The following FBXO43 variants were observed in gnomAD, a reference collection of about 807,000 sequenced individuals.
The protein encoded by FBXO43 is F-box protein 43.
Under a neutral mutation model 56.7 loss-of-function variants are expected in FBXO43, and 22 were observed. The ratio of observed to expected loss-of-function variants is 0.39; its 90% CI spans 0.28 to 0.55. The LOEUF (loss-of-function observed/expected upper bound fraction) is 0.55. FBXO43 is among the 20% of genes least tolerant of loss of function. The pLI is 0.66. For missense variants in FBXO43, 733 were observed against 814.9 expected, an observed-to-expected ratio of 0.90 and a Z score of 1.22; for synonymous variants, 306 against 294.5, an observed-to-expected ratio of 1.04 and a Z score of -0.40.
chr8:100,137,767 G>A (rs887107652), intron 2 of FBXO43, 100 bp from the exon 3 acceptor site: 21 of 808,120 alleles, frequency 2.6e-5, no homozygotes, highest in South Asian at 7.0e-5. Context: ...TAAAGATTTC[G>A]GGCAGTAAAT....
At chr8:100,134,437 G>T in intron 3 of FBXO43, 73 bp from the exon 4 acceptor site, 2 of 1,273,808 alleles carry the variant, frequency 1.6e-6, no homozygotes, top group Non-Finnish European at 2.3e-6. Flanking sequence ...GATGCACACG[G>T]ATTTATATGC....
At chr8:100,142,877 C>A (rs1814702056) in intron 1 of FBXO43, among the ~76,000 whole-genome samples, 1 of 152,228 alleles carries the variant, frequency 6.6e-6, no homozygotes, top group Non-Finnish European at 1.5e-5. Context: ...TTATTCATAT[C>A]TCACTTTCTA....
intron 1 of FBXO43, 92 bp downstream of exon 1, chr8:100,144,959 A>T: frequency 7.3e-7 from 1 of 1,375,492 alleles, no homozygotes; most frequent in Non-Finnish European, 9.6e-7. Context: ...AAAAAGAAAA[A>T]GAAAAAAAAG....
chr8:100,133,510 A>G lies in FBXO43; in HGVS notation c.*292T>C. ...TGAAGAACATGTCAAGAGTGATGAAATGCACAAATTTAAAATGTTACATAA... is the reference window on the plus strand; with the variant it reads ...TGAAGAACATGTCAAGAGTGATGAAGTGCACAAATTTAAAATGTTACATAA... On this transcript the variant is annotated 3_prime_UTR_variant, in exon 5 of 5. Coordinates refer to ENST00000428847, the MANE Select transcript of FBXO43 (RefSeq NM_001029860.4). The G allele has an allele frequency of 4.4e-6, 1 of 226,358 alleles. No homozygotes were observed. The highest frequency in any genetic ancestry group is 8.6e-6 in the Non-Finnish European group (1 of 116,598). 14.0% of individuals were successfully genotyped at this position (226,358 alleles called of 1,614,324 possible). A position where few individuals can be genotyped will look rare whatever the true frequency, so the allele number is the denominator to read the frequency against.
In FBXO43 at chr8:100,141,471, A is replaced by G; in HGVS notation, c.783T>C (p.Ser261=). 6.2e-7 allele frequency: 1 copy of G among 1,613,332 alleles called. No homozygotes were observed. Among genetic ancestry groups the G allele is most frequent in the South Asian group, 1.1e-5 (1 of 91,054 alleles). ...SPIQGNNFKD[S]ITHDFSDSSL... ...TGCTATCACTAAAGTCATGTGTGAT[A>G]GAGTCTTTAAAATTATTGCCCTGAA... The change falls in exon 2 of 5, where the codon TCT becomes TCC. Residue 261 remains serine (S), a synonymous_variant. Coordinates refer to ENST00000428847, the MANE Select transcript of FBXO43 (RefSeq NM_001029860.4).
chr8:100,134,578 A>C (rs1159232726), intron 3 of FBXO43, among the ~76,000 whole-genome samples: 2 of 152,074 alleles, frequency 1.3e-5, no homozygotes, highest in Non-Finnish European at 2.9e-5. Flanking sequence ...AAAAGAAAAA[A>C]ATTTAAATTA....
Position 100,137,610 on chromosome 8 carries a change from A to T in FBXO43, c.1629T>A (p.Asn543Lys). 10 of 1,612,948 alleles carry T rather than the reference A, an allele frequency of 6.2e-6. No homozygotes were observed. Among genetic ancestry groups the T allele is most frequent in the Non-Finnish European group, 8.5e-6 (10 of 1,179,638 alleles). Residue 543 changes from asparagine to lysine, a missense_variant, in exon 3 of 5, where the codon AAT becomes AAA. Physicochemically the swap from Asn to Lys is moderately conservative, Grantham distance 94. Transcript: ENST00000428847. The part of the protein sequence containing the change: ...REIVVQDKNA[N>K]RRRKFYITQL... ...GTGTGATATAAAATTTCCTCCTCCG[A>T]TTTGCATTTTTATCTTGAACAACAA...
At chr8:100,134,958 AGAG>A (rs1814425617) in intron 3 of FBXO43, among the ~76,000 whole-genome samples, 1 of 152,232 alleles carries the variant, frequency 6.6e-6, no homozygotes, top group Middle Eastern at 3.2e-3. Flanking sequence ...GGACTTACAC[AGAG>A]GAGACTTTCA....
Position 100,133,851 on chromosome 8 carries a change from T to G in FBXO43, c.2078A>C (p.Asp693Ala), listed in dbSNP as rs1392616082. The G allele has an allele frequency of 6.2e-7, 1 of 1,614,114 alleles. No homozygotes were observed. The highest frequency in any genetic ancestry group is 1.1e-5 in the South Asian group (1 of 91,076). The stretch of plus-strand genomic sequence containing the variant: ...ACTCTGGGCACTTCCTGGGAGAGCA[T>G]CTTTTCTATTTCTTGGCTTTGCTGC... ...RGAAKPRNRK[D>A]ALPGSAQSKR... Residue 693 changes from aspartate to alanine, a missense_variant, in exon 5 of 5, where the codon GAT (aspartate) becomes GCT (alanine). Coordinates refer to ENST00000428847, the MANE Select transcript of FBXO43 (RefSeq NM_001029860.4).
upstream of FBXO43, among the ~76,000 whole-genome samples, chr8:100,146,084 C>G (rs1814826409): frequency 6.6e-6 from 1 of 152,256 alleles, no homozygotes; most frequent in South Asian, 2.1e-4. Flanking sequence ...CATTAGAAAT[C>G]ATGTATGAGA....
At chr8:100,145,001 A>C (rs750680749) in intron 1 of FBXO43, 50 bp downstream of exon 1, 1 of 1,562,446 alleles carries the variant, frequency 6.4e-7, no homozygotes, top group Non-Finnish European at 8.7e-7. Context: ...AGAATGAAGT[A>C]CTTACATTAA....
chr8:100,135,753 C>A lies in FBXO43; in HGVS notation c.1675-1389G>T, dbSNP rs536125478. 3.3e-5 allele frequency among the ~76,000 whole-genome samples: 5 copies of A among 152,092 alleles called. No homozygotes were observed. The South Asian group carries it at 8.3e-4, about 25-fold the overall frequency. On this transcript the variant is annotated intron_variant, in intron 3 of 4. Transcript: ENST00000428847. ...CCAAATAGCTGGGATTACAAGCCTG[C>A]ACCACCACACCCAGCTACTTTTTGT... is the stretch of plus-strand genomic sequence containing the variant.
In FBXO43 at chr8:100,133,556, TAAC is replaced by T; in HGVS notation, c.*243_*245del. The T allele has an allele frequency of 2.7e-6, 1 of 374,962 alleles. No homozygotes were observed. Among genetic ancestry groups the T allele is most frequent in the Non-Finnish European group, 4.7e-6 (1 of 210,620 alleles). The allele number at this position is 374,962 out of a possible 1,614,324, so 23.2% of individuals were successfully genotyped here. Reference sequence around the variant, plus strand: ...CATAAAACAATAAAGTACATACATATAACAACAATGAAAATTCTTTATTTAAAA... The same window carrying T: ...CATAAAACAATAAAGTACATACATATAACAATGAAAATTCTTTATTTAAAA... On this transcript the variant is annotated 3_prime_UTR_variant, in exon 5 of 5. Coordinates refer to ENST00000428847, the MANE Select transcript of FBXO43 (RefSeq NM_001029860.4).
Position 100,133,979 on chromosome 8 carries a change from C to T in FBXO43, c.1950G>A (p.Gln650=), listed in dbSNP as rs201740986. The change falls in exon 5 of 5, where the codon CAG becomes CAA. Residue 650 remains glutamine, a synonymous_variant. Transcript: ENST00000428847. ...CPRCQSPAKY[Q]PYKKRGLCSR... is the part of the protein sequence containing the mutation. ...TACACAGTCCCCTTTTCTTATATGG[C>T]TGGTACTTAGCAGGGGACTGGCACC... is the stretch of plus-strand genomic sequence containing the variant. 5 of 1,614,162 alleles carry T rather than the reference C, an allele frequency of 3.1e-6. No individual in the cohort carries two copies. The highest frequency in any genetic ancestry group is 4.2e-6 in the Non-Finnish European group (5 of 1,180,040).
At chr8:100,149,169 C>T (rs577284601), upstream of FBXO43, among the ~76,000 whole-genome samples, 2 of 152,290 alleles carry the variant, frequency 1.3e-5, no homozygotes, top group Admixed American at 6.5e-5. Flanking sequence ...GGAACTAGCA[C>T]CAACATGAAT....
At chr8:100,147,999 C>T (rs1814862358), upstream of FBXO43, among the ~76,000 whole-genome samples, 1 of 152,180 alleles carries the variant, frequency 6.6e-6, no homozygotes. Context: ...TTGCAATTCT[C>T]CTGCAGAATT....
At position 100,134,366 on chromosome 8, in the gene FBXO43, T is replaced by TA. The variant is rs779539515; in HGVS notation, c.1675-3_1675-2insT. The TA allele has an allele frequency of 6.2e-7, 1 of 1,612,842 alleles. No homozygotes were observed. The highest frequency in any genetic ancestry group is 8.5e-7 in the Non-Finnish European group (1 of 1,179,842). On this transcript the variant is annotated splice_region_variant and splice_polypyrimidine_tract_variant and intron_variant, in intron 3 of 4. Coordinates refer to ENST00000428847, the MANE Select transcript of FBXO43 (RefSeq NM_001029860.4). ...ATCCTCGACATTTAATACAGCCCCC[T>TA]GTGGTAAAGGACAAGAGGCATCAAT...
rs755127427 is a variant in FBXO43 at position 100,141,045 on chromosome 8, G to A, written c.1209C>T (p.Val403=). ...CTGCTCTTTTTTCAGAGTCAGGGTG[G>A]ACAATCTGCTTTTCCTCTTCTGTCT... ...QSETEEEKQI[V]HPDSEKRAAA... Residue 403 remains valine (V), a synonymous_variant, in exon 2 of 5, where the codon GTC becomes GTT. Transcript: ENST00000428847. 25 of 1,614,070 alleles carry A rather than the reference G, an allele frequency of 1.5e-5. No homozygotes were observed. Among genetic ancestry groups the A allele is most frequent in the Non-Finnish European group, 2.1e-5 (25 of 1,180,050 alleles).
chr8:100,140,638 CTTAAAAA>C (rs1814608960), intron 2 of FBXO43, 38 bp downstream of exon 2: 8 of 1,489,196 alleles, frequency 5.4e-6, no homozygotes, highest in Non-Finnish European at 7.2e-6. Flanking sequence ...AACTTTTCAA[CTTAAAAA>C]AAGAAGTTTT....
Sources: allele counts gnomAD v4.1 joint callset (sites outside exome capture counted in the v4.1 genomes callset), GRCh38; gene constraint gnomAD v4.1.1; transcripts MANE v1.5; gene names NCBI Gene and HGNC (gene_info 2026-07-23, HGNC 2026-07-21).